OR3A2: variants seen among roughly 807,000 people sequenced by gnomAD.
OR3A2 encodes the protein olfactory receptor 3A2.
For missense variants in OR3A2, 318 were observed against 392.8 expected (o/e 0.81, Z 1.61); for synonymous variants, 126 against 159.3 (o/e 0.79, Z 1.57).
chr17:3,313,144 T>C (rs536743940), intron 3 of OR3A2, among the ~76,000 whole-genome samples: 98 of 152,260 alleles, frequency 6.4e-4, no homozygotes, highest in Non-Finnish European at 1.5e-4. Context: ...TCATAGTCAA[T>C]TTCGTGCACT....
At chr17:3,295,959 G>A (rs1394682435) in intron 3 of OR3A2, among the ~76,000 whole-genome samples, 1 of 152,006 alleles carries the variant, frequency 6.6e-6, no homozygotes, top group East Asian at 1.9e-4. Flanking sequence ...GGGTAACAGT[G>A]GATTTTAGTG....
At chr17:3,351,080 C>G (rs1376042639) in intron 2 of OR3A2, among the ~76,000 whole-genome samples, 2 of 151,346 alleles carry the variant, frequency 1.3e-5, no homozygotes, top group African/African-American at 4.8e-5. Flanking sequence ...CAATATCATA[C>G]TGAATGGGCA....
chr17:3,360,817 G>A (rs1442826470), intron 2 of OR3A2, among the ~76,000 whole-genome samples: 1 of 151,674 alleles, frequency 6.6e-6, no homozygotes, highest in East Asian at 1.9e-4. Flanking sequence ...TTTGGTTACT[G>A]TAACCTTGTA....
At chr17:3,332,975 A>G (rs952733642) in intron 3 of OR3A2, among the ~76,000 whole-genome samples, 3 of 152,224 alleles carry the variant, frequency 2.0e-5, no homozygotes, top group African/African-American at 7.2e-5. Context: ...GATTTTAAGG[A>G]ACAAGGGAAG....
intron 3 of OR3A2, among the ~76,000 whole-genome samples, chr17:3,330,795 T>A (rs2049225412): frequency 6.6e-6 from 1 of 152,144 alleles, no homozygotes; most frequent in Non-Finnish European, 1.5e-5. Context: ...TTGATGCAGT[T>A]TCTTCCTATT....
intron 2 of OR3A2, among the ~76,000 whole-genome samples, chr17:3,369,723 T>TTACCTG (rs2049595900): frequency 6.6e-6 from 1 of 152,156 alleles, no homozygotes; most frequent in Admixed American, 6.5e-5. Context: ...CTGATTTTAG[T>TTACCTG]ATTAGGGTAA....
chr17:3,378,076 G>A (rs1008531531), intron 2 of OR3A2, among the ~76,000 whole-genome samples: 16 of 152,178 alleles, frequency 1.1e-4, no homozygotes, highest in African/African-American at 3.4e-4. Flanking sequence ...ACCTGGAACC[G>A]GCAGCCTGGC....
chr17:3,280,101 G>T (rs1185842679), intron 1 of OR3A2, among the ~76,000 whole-genome samples: 1 of 152,128 alleles, frequency 6.6e-6, no homozygotes, highest in African/African-American at 2.4e-5. Flanking sequence ...CAAAGTTGTG[G>T]TCATAGCCTG....
intron 1 of OR3A2, among the ~76,000 whole-genome samples, chr17:3,282,096 A>G (rs1488562879): frequency 6.6e-6 from 1 of 152,098 alleles, no homozygotes; most frequent in Non-Finnish European, 1.5e-5. Flanking sequence ...ACTTCCACAA[A>G]GACTCCTCCA....
intron 3 of OR3A2, among the ~76,000 whole-genome samples, chr17:3,305,048 A>T (rs1199224671): frequency 2.0e-5 from 3 of 152,164 alleles, no homozygotes; most frequent in Non-Finnish European, 4.4e-5. Context: ...GGGTGCTGGC[A>T]ATGTTCTGTA....
chr17:3,305,503 C>CT (rs879818075), intron 3 of OR3A2, among the ~76,000 whole-genome samples: 10 of 152,076 alleles, frequency 6.6e-5, no homozygotes, highest in South Asian at 2.1e-4. Flanking sequence ...AGACGAGATC[C>CT]TTGCACAAAT....
intron 2 of OR3A2, among the ~76,000 whole-genome samples, chr17:3,359,729 G>C (rs1050313993): frequency 6.6e-6 from 1 of 151,544 alleles, no homozygotes; most frequent in Non-Finnish European, 1.5e-5. Context: ...CTTCATCCAT[G>C]TCCCTACAAA....
At chr17:3,296,786 T>C (rs527533804) in intron 3 of OR3A2, among the ~76,000 whole-genome samples, 1 of 152,146 alleles carries the variant, frequency 6.6e-6, no homozygotes, top group Non-Finnish European at 1.5e-5. Flanking sequence ...ACAGAGAAAG[T>C]TGTTCAAAAA....
At chr17:3,292,502 C>G in intron 3 of OR3A2, 1 of 1,613,932 alleles carries the variant, frequency 6.2e-7, no homozygotes, top group Non-Finnish European at 8.5e-7. Flanking sequence ...AGACAACTGG[C>G]TGCAGCCCTG....
chr17:3,354,569 TA>T (rs2049448640), intron 2 of OR3A2, among the ~76,000 whole-genome samples: 1 of 151,408 alleles, frequency 6.6e-6, no homozygotes. Flanking sequence ...TAGTAGTCAC[TA>T]ATGATCCTTC....
chr17:3,310,327 C>A, intron 3 of OR3A2: 1 of 533,952 alleles, frequency 1.9e-6, no homozygotes, highest in South Asian at 1.4e-5. Flanking sequence ...CTGGGGAACT[C>A]AGGGAATGAT....
chr17:3,372,169 T>C, intron 2 of OR3A2, among the ~76,000 whole-genome samples: 1 of 147,124 alleles, frequency 6.8e-6, no homozygotes, highest in Admixed American at 6.7e-5. Context: ...GTAGAGGTGC[T>C]CCTCACATCC....
intron 1 of OR3A2, among the ~76,000 whole-genome samples, chr17:3,282,145 T>G (rs1398581251): frequency 1.3e-5 from 2 of 152,172 alleles, no homozygotes; most frequent in Non-Finnish European, 2.9e-5. Context: ...CCAGGTGCAG[T>G]GGCTCACACC....
chr17:3,334,361 A>G (rs1420525057), intron 3 of OR3A2, among the ~76,000 whole-genome samples: 1 of 152,130 alleles, frequency 6.6e-6, no homozygotes, highest in East Asian at 1.9e-4. Context: ...GAAAAACACT[A>G]TTATTAGCTT....
Sources: gnomAD v4.1 joint callset for allele counts (sites outside exome capture counted in the v4.1 genomes callset) on GRCh38, gnomAD v4.1.1 for gene constraint, MANE v1.5 for transcripts, NCBI Gene and HGNC (gene_info 2026-07-23, HGNC 2026-07-21) for gene names.